Variants in ETS2 observed in about 807,000 individuals in gnomAD.
ETS2 encodes the protein ETS proto-oncogene 2, transcription factor.
A neutral mutation model predicts 54.9 loss-of-function variants in ETS2; 19 were observed. The ratio of observed to expected loss-of-function variants is 0.35; its 90% CI spans 0.24 to 0.51. The LOEUF is 0.51. Ranked by LOEUF, ETS2 falls within the 20% of genes least tolerant of loss-of-function variation. The pLI, the probability that ETS2 is intolerant of heterozygous loss-of-function variation, is 0.97. For missense variants in ETS2, 417 were observed against 593.0 expected (o/e 0.70, Z 3.08); for synonymous variants, 219 against 229.3 (o/e 0.95, Z 0.41).
At chr21:38,810,501 C>T (rs1245438598) in intron 2 of ETS2, among the ~76,000 whole-genome samples, 1 of 152,134 alleles carries the variant, frequency 6.6e-6, no homozygotes, top group East Asian at 1.9e-4. Flanking sequence ...GCAGACAGAC[C>T]CAACCGCTAC....
At chr21:38,810,410 G>T (rs557078771) in intron 2 of ETS2, among the ~76,000 whole-genome samples, 1 of 152,192 alleles carries the variant, frequency 6.6e-6, no homozygotes, top group Non-Finnish European at 1.5e-5. Context: ...TGGAGAGGCT[G>T]TCTCTACTGC....
At chr21:38,805,720 C>A, upstream of ETS2, 1 of 977,682 alleles carries the variant, frequency 1.0e-6, no homozygotes, top group Non-Finnish European at 1.3e-6. This position sits in a 1 kb window ranked among gnomAD's most constrained non-coding sequence, Gnocchi z 5.2. Flanking sequence ...GCTCCCCCAA[C>A]CCTCCTGCTG....
In ETS2 at chr21:38,814,284, T is replaced by C; in HGVS notation, c.196T>C (p.Cys66Arg). 1 of 1,614,044 alleles carries C rather than the reference T, an allele frequency of 6.2e-7. No homozygotes were observed. Among genetic ancestry groups the C allele is most frequent in the Non-Finnish European group, 8.5e-7 (1 of 1,179,984 alleles). Reference protein sequence around the residue: ...LDSISHDSANCELPLLTPCSK... With the variant: ...LDSISHDSANRELPLLTPCSK... The stretch of plus-strand genomic sequence containing the variant: ...GGGTTTCCTTCCAGACTCCGCCAAC[T>C]GTGAATTGCCTTTGTTAACCCCGTG... Residue 66 changes from cysteine to arginine, a missense_variant, in exon 4 of 10, where the codon TGT (cysteine) becomes CGT (arginine). By Grantham distance (180) the Cys-to-Arg change is radical (BLOSUM62 -3). Around this residue, in one of 3 missense-constraint regions of ETS2, gnomAD observed 326 missense variants for 426.1 expected, o/e 0.76. Transcript: ENST00000360938. This position sits in a 1 kb window ranked among gnomAD's most constrained non-coding sequence, Gnocchi z 4.2.
At position 38,809,666 on chromosome 21, in the gene ETS2, C is replaced by T. The variant is rs2060906497; in HGVS notation, c.1-369C>T. On this transcript the variant is annotated intron_variant, in intron 1 of 9. Coordinates refer to ENST00000360938, the MANE Select transcript of ETS2 (RefSeq NM_005239.6). Reference sequence around the variant, plus strand: ...CTGCCCCACTGTACCCACCCAAGCACTCACCTAAGCTGGCCATGGAAATGT... The same window carrying T: ...CTGCCCCACTGTACCCACCCAAGCATTCACCTAAGCTGGCCATGGAAATGT... 6.9e-5 allele frequency: 15 copies of T among 218,316 alleles called. No homozygotes were observed. In the South Asian group the frequency reaches 9.0e-4, roughly 13 times the overall value. The allele number at this position is 218,316 out of a possible 1,614,324, so 13.5% of individuals were successfully genotyped here. A position where few individuals can be genotyped will look rare whatever the true frequency, so the allele number is the denominator to read the frequency against.
At chr21:38,807,097 G>T (rs1218609656) in intron 1 of ETS2, among the ~76,000 whole-genome samples, 1 of 152,150 alleles carries the variant, frequency 6.6e-6, no homozygotes, top group African/African-American at 2.4e-5. Context: ...AAATCTCCAC[G>T]TTAAGCTTTA....
intron 7 of ETS2, among the ~76,000 whole-genome samples, chr21:38,819,179 GTT>G (rs2060947118): frequency 6.6e-6 from 1 of 152,310 alleles, no homozygotes. Flanking sequence ...CATAAGGCAT[GTT>G]TTCTTTTGTG....
chr21:38,820,305 G>C (rs773910923), intron 8 of ETS2, among the ~76,000 whole-genome samples: 2 of 152,036 alleles, frequency 1.3e-5, no homozygotes, highest in African/African-American at 2.4e-5. Context: ...TCACTGCTTC[G>C]TGTATCCTTA....
intron 1 of ETS2, chr21:38,809,607 C>T (rs2060906289): frequency 6.2e-6 from 1 of 162,020 alleles, no homozygotes; most frequent in Non-Finnish European, 1.3e-5. Context: ...TCAGGTTAAG[C>T]TGATTGTGTC....
rs777554249 is a variant in ETS2 at position 38,818,549 on chromosome 21, G to A, written c.714G>A (p.Met238Ile). 53 of 1,614,042 alleles carry A rather than the reference G, an allele frequency of 3.3e-5. No homozygotes were observed. Among genetic ancestry groups the A allele is most frequent in the Non-Finnish European group, 4.2e-5 (49 of 1,180,052 alleles). The change falls in exon 7 of 10, where the codon ATG (methionine) becomes ATA (isoleucine). Residue 238 changes from methionine (M) to isoleucine (I), a missense_variant. Coordinates refer to ENST00000360938, the MANE Select transcript of ETS2 (RefSeq NM_005239.6). ...TCAGCTCTGAGCAGGAGTTTCAGAT[G>A]TTCCCCAAGTCTCGGCTCAGCTCCG... ...SVLSSEQEFQ[M>I]FPKSRLSSVS... is the part of the protein sequence containing the mutation.
At chr21:38,808,638 G>C (rs925053220) in intron 1 of ETS2, among the ~76,000 whole-genome samples, 1 of 150,458 alleles carries the variant, frequency 6.6e-6, no homozygotes, top group Non-Finnish European at 1.5e-5. Context: ...TTGGGTAGCA[G>C]GGTTCTTGGA....
At chr21:38,818,765 C>A in intron 7 of ETS2, 119 bp downstream of exon 7, 1 of 1,184,844 alleles carries the variant, frequency 8.4e-7, no homozygotes, top group Non-Finnish European at 1.2e-6. Context: ...GGGTCAAAGC[C>A]CATGTTCTAA....
Position 38,814,751 on chromosome 21 carries a change from T to G in ETS2, c.305-30T>G, listed in dbSNP as rs775983578. ...CTACCTTTCCACTGTTTTTACCTCA[T>G]GTGTTCCATTTTTTCTTCTCTCCTG... On this transcript the variant is annotated intron_variant, in intron 4 of 9. Transcript: ENST00000360938. The surrounding 1 kb of genome is among the most constrained non-coding windows in gnomAD (Gnocchi z 4.2). 6.3e-7 allele frequency: 1 copy of G among 1,599,572 alleles called. No homozygotes were observed. Among genetic ancestry groups the G allele is most frequent in the Non-Finnish European group, 8.6e-7 (1 of 1,167,234 alleles).
In ETS2 at chr21:38,818,540, G is replaced by A. The variant is rs2060944540; in HGVS notation, c.705G>A (p.Glu235=). 1.2e-6 allele frequency: 2 copies of A among 1,614,180 alleles called. No homozygotes were observed. The highest frequency in any genetic ancestry group is 2.2e-5 in the East Asian group (1 of 44,890). Residue 235 remains glutamate (E), a synonymous_variant, in exon 7 of 10, where the codon GAG becomes GAA. Transcript: ENST00000360938. Reference sequence around the variant, plus strand: ...CCAGCGTACTCAGCTCTGAGCAGGAGTTTCAGATGTTCCCCAAGTCTCGGC... The same window carrying A: ...CCAGCGTACTCAGCTCTGAGCAGGAATTTCAGATGTTCCCCAAGTCTCGGC... ...STPSVLSSEQ[E]FQMFPKSRLS...
In ETS2 at chr21:38,819,550, G is replaced by A. The variant is rs755069743; in HGVS notation, c.859G>A (p.Glu287Lys). ...CCCTGAGAACGGTGCGGACAGCTTC[G>A]AGAGCTCAGACTCCCTCCTCCAGTC... ...DSPENGADSF[E>K]SSDSLLQSWN... Residue 287 changes from glutamate (E) to lysine (K), a missense_variant, in exon 8 of 10, where the codon GAG becomes AAG. By Grantham distance (56) the Glu-to-Lys change is moderately conservative (BLOSUM62 1). Coordinates refer to ENST00000360938, the MANE Select transcript of ETS2 (RefSeq NM_005239.6). 9.3e-6 allele frequency: 15 copies of A among 1,614,078 alleles called. No individual in the cohort carries two copies. The highest frequency in any genetic ancestry group is 1.7e-5 in the Admixed American group (1 of 60,016).
rs1470009589 is a variant in ETS2 at position 38,822,788 on chromosome 21, C to T, written c.1309C>T (p.Arg437Cys). Residue 437 changes from arginine to cysteine, a missense_variant, in exon 10 of 10, where the codon CGC (arginine) becomes TGC (cysteine). This residue lies in a region of ETS2 where 60 missense variants were observed against 134.1 expected (regional missense o/e 0.45). Coordinates refer to ENST00000360938, the MANE Select transcript of ETS2 (RefSeq NM_005239.6). ...KNIIHKTSGK[R>C]YVYRFVCDLQ... is the part of the protein sequence containing the mutation. ...CATCATCCACAAGACGTCGGGGAAG[C>T]GCTACGTGTACCGCTTCGTGTGCGA... The T allele has an allele frequency of 1.2e-6, 2 of 1,614,034 alleles. No homozygotes were observed.
rs1244412877 is a variant in ETS2 at position 38,806,126 on chromosome 21, A to G, written c.-1+6A>G. The G allele has an allele frequency of 9.8e-7, 1 of 1,025,316 alleles. No individual in the cohort carries two copies. Among genetic ancestry groups the G allele is most frequent in the African/African-American group, 1.8e-5 (1 of 56,816 alleles). 63.5% of individuals were successfully genotyped at this position (1,025,316 alleles called of 1,614,324 possible). On this transcript the variant is annotated splice_donor_region_variant and intron_variant, in intron 1 of 9. Coordinates refer to ENST00000360938, the MANE Select transcript of ETS2 (RefSeq NM_005239.6). This position sits in a 1 kb window ranked among gnomAD's most constrained non-coding sequence, Gnocchi z 4.3. ...GCCCTGCCCGCAGCGGCAGGGTAAG[A>G]GCTGGGCCCGCAGAGAGCGCCCGGC... is the stretch of plus-strand genomic sequence containing the variant.
rs372784363 is a variant in ETS2, at chr21:38,822,661, A to G, written c.1195-13A>G. 3 of 1,606,078 alleles carry G rather than the reference A, an allele frequency of 1.9e-6. No homozygotes were observed. The highest frequency in any genetic ancestry group is 1.1e-5 in the South Asian group (1 of 90,638). On this transcript the variant is annotated splice_polypyrimidine_tract_variant and intron_variant, in intron 9 of 9. Coordinates refer to ENST00000360938, the MANE Select transcript of ETS2 (RefSeq NM_005239.6). ...AATTGAGTTTAACTCTTTTCCATCCATGTTCACCAAAGGTGGCCCGCCGGT... is the reference window on the plus strand; with the variant it reads ...AATTGAGTTTAACTCTTTTCCATCCGTGTTCACCAAAGGTGGCCCGCCGGT...
rs772974925 is a variant in ETS2, at chr21:38,821,752, C to T, written c.1194+48C>T. 4 of 1,370,490 alleles carry T rather than the reference C, an allele frequency of 2.9e-6. No homozygotes were observed. In the South Asian group the frequency reaches 4.7e-5, roughly 16 times the overall value. 84.9% of individuals were successfully genotyped at this position (1,370,490 alleles called of 1,614,324 possible). ...TCTCTGGGCTTGAAAACCTGATTTC[C>T]TGCTTGCATTCAAAAACTCAGTTCT... On this transcript the variant is annotated intron_variant, in intron 9 of 9. Transcript: ENST00000360938. The surrounding 1 kb of genome is among the most constrained non-coding windows in gnomAD (Gnocchi z 4.2).
Position 38,823,126 on chromosome 21 carries a change from A to G in ETS2, c.*237A>G. 2.6e-6 allele frequency: 1 copy of G among 378,164 alleles called. No homozygotes were observed. Among genetic ancestry groups the G allele is most frequent in the Non-Finnish European group, 4.7e-6 (1 of 212,344 alleles). The allele number at this position is 378,164 out of a possible 1,614,324, so 23.4% of individuals were successfully genotyped here. A position where few individuals can be genotyped will look rare whatever the true frequency, so the allele number is the denominator to read the frequency against. On this transcript the variant is annotated 3_prime_UTR_variant, in exon 10 of 10. Coordinates refer to ENST00000360938, the MANE Select transcript of ETS2 (RefSeq NM_005239.6). ...GCTTTTAAGTGAAAATGGTCGAGAA[A>G]GAGGCACCAGGAAGCCGTCCTGGCG...
Sources: allele counts gnomAD v4.1 joint callset (sites outside exome capture counted in the v4.1 genomes callset), GRCh38; gene constraint gnomAD v4.1.1; regional missense constraint gnomAD v4.1.1; non-coding constraint Gnocchi (gnomAD v3.1); transcripts MANE v1.5; gene names NCBI Gene and HGNC (gene_info 2026-07-23, HGNC 2026-07-21).